Variants in NCKAP5 observed in about 807,000 individuals in gnomAD.
NCKAP5 encodes NCK associated protein 5, also known as nck-associated protein 5.
In NCKAP5, 92 loss-of-function variants were observed where a neutral mutation model predicts 167.0. That is an observed-to-expected ratio of 0.55 (90% CI 0.47 to 0.66). The LOEUF is 0.66. Ranked by LOEUF, NCKAP5 falls within the 30% of genes least tolerant of loss-of-function variation. The pLI is 0.00. For synonymous variants in NCKAP5, 891 were observed against 877.4 expected, an observed-to-expected ratio of 1.02 and a Z score of -0.27; for missense variants, 2,378 against 2,315.0, an observed-to-expected ratio of 1.03 and a Z score of -0.56.
At position 132,868,986 on chromosome 2, in the gene NCKAP5, A is replaced by G. The variant is rs1331099660; in HGVS notation, c.649-12T>C. 2 of 1,531,050 alleles carry G rather than the reference A, an allele frequency of 1.3e-6. No homozygotes were observed. Among genetic ancestry groups the G allele is most frequent in the Non-Finnish European group, 1.8e-6 (2 of 1,138,324 alleles). 94.8% of individuals were successfully genotyped at this position (1,531,050 alleles called of 1,614,324 possible). A position where few individuals can be genotyped will look rare whatever the true frequency, so the allele number is the denominator to read the frequency against. On this transcript the variant is annotated splice_polypyrimidine_tract_variant and intron_variant, in intron 9 of 19. Transcript: ENST00000409261. ...ACTTGGTTGGCTACCTTTAAAAAAT[A>G]AAGAAAAAGTTGTCATTTATAATAA... is the stretch of plus-strand genomic sequence containing the variant.
the NCKAP5 span, among the ~76,000 whole-genome samples, chr2:133,660,842 T>C: frequency 6.6e-6 from 1 of 152,106 alleles, no homozygotes; most frequent in Non-Finnish European, 1.5e-5. Context: ...TTTGCACCTT[T>C]GCTCATACGC....
intron 6 of NCKAP5, among the ~76,000 whole-genome samples, chr2:133,047,827 C>T (rs771459822): frequency 2.0e-4 from 30 of 152,268 alleles, no homozygotes; most frequent in Admixed American, 7.2e-4. Context: ...TAATCACACA[C>T]ATTTGGAGCA....
rs1002068073 is a variant in NCKAP5 at position 133,388,761 on chromosome 2, G to T, written c.70-85651C>A. Reference sequence around the variant, plus strand: ...TGGGCGCCCCTCCCCCAGCCTCGCTGCCACCTTGCAGTTTGATCTCAGACT... The same window carrying T: ...TGGGCGCCCCTCCCCCAGCCTCGCTTCCACCTTGCAGTTTGATCTCAGACT... On this transcript the variant is annotated intron_variant, in intron 3 of 19. Transcript: ENST00000409261. Among the ~76,000 whole-genome samples, 11 of 152,216 alleles carry T rather than the reference G, an allele frequency of 7.2e-5. No homozygotes were observed. The East Asian group carries it at 1.9e-3, about 27-fold the overall frequency.
chr2:133,307,013 A>C (rs548755850), intron 3 of NCKAP5, among the ~76,000 whole-genome samples: 1 of 152,232 alleles, frequency 6.6e-6, no homozygotes, highest in Non-Finnish European at 1.5e-5. Flanking sequence ...TTCCTAACAC[A>C]TATCTATGAA....
chr2:133,117,692 A>G (rs2082125716), intron 6 of NCKAP5: 1 of 152,216 alleles, frequency 6.6e-6, no homozygotes, highest in African/African-American at 2.4e-5. Flanking sequence ...ATATATTACT[A>G]CTTCACTGGG....
At chr2:132,886,597 G>A (rs1428135965) in intron 8 of NCKAP5, among the ~76,000 whole-genome samples, 2 of 152,186 alleles carry the variant, frequency 1.3e-5, no homozygotes, top group African/African-American at 4.8e-5. Context: ...AGTTCCTGAG[G>A]TGTTGTCTTT....
At chr2:133,630,094 C>T in the NCKAP5 span, among the ~76,000 whole-genome samples, 7 of 152,082 alleles carry the variant, frequency 4.6e-5, no homozygotes, top group Non-Finnish European at 1.5e-5. Flanking sequence ...ACACATTTAC[C>T]TATGCAACAA....
intron 6 of NCKAP5, among the ~76,000 whole-genome samples, chr2:133,053,973 A>T (rs982127259): frequency 6.6e-6 from 1 of 152,338 alleles, no homozygotes; most frequent in African/African-American, 2.4e-5. Flanking sequence ...AAATTCAAGT[A>T]CTGTATGCAG....
At chr2:133,404,281 T>C (rs1004088184) in intron 3 of NCKAP5, among the ~76,000 whole-genome samples, 5 of 152,216 alleles carry the variant, frequency 3.3e-5, no homozygotes, top group Admixed American at 6.5e-5. Context: ...CACAATTATA[T>C]GCAAAACAAT....
At chr2:133,573,650 A>G in the NCKAP5 span, among the ~76,000 whole-genome samples, 1 of 152,210 alleles carries the variant, frequency 6.6e-6, no homozygotes, top group African/African-American at 2.4e-5. Context: ...ATAAAGTATC[A>G]TCATGAAGTT....
chr2:133,439,028 C>T (rs1047012392), intron 3 of NCKAP5, among the ~76,000 whole-genome samples: 6 of 152,192 alleles, frequency 3.9e-5, no homozygotes, highest in Admixed American at 6.5e-5. Flanking sequence ...GATCTTGTTA[C>T]AATTTCTGCT....
intron 3 of NCKAP5, among the ~76,000 whole-genome samples, chr2:133,395,860 T>TGTCTTGAA (rs1687701863): frequency 6.6e-6 from 1 of 152,076 alleles, no homozygotes; most frequent in South Asian, 2.1e-4. Flanking sequence ...TGCCCAGGCT[T>TGTCTTGAA]GTCTTGAACT....
chr2:133,099,301 A>C (rs983300408), intron 6 of NCKAP5, among the ~76,000 whole-genome samples: 9 of 152,200 alleles, frequency 5.9e-5, no homozygotes, highest in African/African-American at 2.2e-4. Flanking sequence ...TCTCCACGGA[A>C]TTTGTTTTCT....
At chr2:133,292,106 A>G (rs1422788859) in intron 4 of NCKAP5, among the ~76,000 whole-genome samples, 1 of 152,180 alleles carries the variant, frequency 6.6e-6, no homozygotes, top group African/African-American at 2.4e-5. Context: ...GGACAGAGGT[A>G]GTAAGCAAAC....
chr2:133,566,076 C>T (rs1230436189), intron 1 of NCKAP5, among the ~76,000 whole-genome samples: 5 of 152,136 alleles, frequency 3.3e-5, no homozygotes, highest in Admixed American at 1.3e-4. Context: ...CCCCCCGCCC[C>T]TAGGTAGGAA....
At chr2:132,847,843 C>G (rs753403574) in intron 11 of NCKAP5, among the ~76,000 whole-genome samples, 1 of 152,110 alleles carries the variant, frequency 6.6e-6, no homozygotes, top group Non-Finnish European at 1.5e-5. Context: ...TAAAGCTAAC[C>G]CACGGTGACA....
At chr2:133,135,861 A>T (rs13001406) in intron 5 of NCKAP5, among the ~76,000 whole-genome samples, 10,081 of 152,196 alleles carry the variant, frequency 0.066, 666 homozygotes, top group East Asian at 0.37. Context: ...AAAATAAAAT[A>T]TGGCTAACTA....
In NCKAP5 at chr2:132,673,297, T is replaced by C. The variant is rs1389334542; in HGVS notation, c.5722A>G (p.Thr1908Ala). 1 of 1,490,610 alleles carries C rather than the reference T, an allele frequency of 6.7e-7. No homozygotes were observed. Among genetic ancestry groups the C allele is most frequent in the Admixed American group, 2.2e-5 (1 of 46,054 alleles). The allele number at this position is 1,490,610 out of a possible 1,614,324, so 92.3% of individuals were successfully genotyped here. A position where few individuals can be genotyped will look rare whatever the true frequency, so the allele number is the denominator to read the frequency against. ...GATCGTCTTTTGTTTCTTCAAGTTGTCTCAATTTCTGCAATAAAAAGAAGA... is the reference window on the plus strand; with the variant it reads ...GATCGTCTTTTGTTTCTTCAAGTTGCCTCAATTTCTGCAATAAAAAGAAGA... ...ALKSAAPEIE[T>A]T Residue 1908 changes from threonine (T) to alanine (A), a missense_variant, in exon 20 of 20, where the codon ACA (threonine) becomes GCA (alanine). Coordinates refer to ENST00000409261, the MANE Select transcript of NCKAP5 (RefSeq NM_207363.3).
At chr2:132,848,192 G>C (rs1011564191) in intron 11 of NCKAP5, among the ~76,000 whole-genome samples, 1 of 152,144 alleles carries the variant, frequency 6.6e-6, no homozygotes, top group South Asian at 2.1e-4. Flanking sequence ...GATGCAAAAA[G>C]GGTACCCAAG....
Sources: gnomAD v4.1 joint callset for allele counts (sites outside exome capture counted in the v4.1 genomes callset) on GRCh38, gnomAD v4.1.1 for gene constraint, MANE v1.5 for transcripts, NCBI Gene and HGNC (gene_info 2026-07-23, HGNC 2026-07-21) for gene names.